SLC9A9: variants seen among roughly 807,000 people sequenced by gnomAD.
SLC9A9 encodes the protein solute carrier family 9 member A9, also known as sodium/hydrogen exchanger 9.
SLC9A9 carries 62 observed loss-of-function variants against 77.8 expected under a neutral mutation model. The observed-to-expected ratio is 0.80, with a 90% confidence interval of 0.65 to 0.98. The LOEUF is 0.98. Ranked by LOEUF, SLC9A9 falls within the 50% of genes least tolerant of loss-of-function variation. SLC9A9 has a pLI of 0.00. For missense variants in SLC9A9, 775 were observed against 774.9 expected (o/e 1.00, Z 0.00); for synonymous variants, 320 against 283.5 (o/e 1.13, Z -1.29).
chr3:143,393,662 G>A lies in SLC9A9; in HGVS notation c.1470-11548C>T, dbSNP rs1454439803. Among the ~76,000 whole-genome samples the A allele has an allele frequency of 2.0e-5, 3 of 152,104 alleles. No homozygotes were observed. In the East Asian group the frequency reaches 5.8e-4, roughly 29 times the overall value. Reference sequence around the variant, plus strand: ...CTTCAAAAAATCAATGAATACAGGAGCTGGTTTTTTGAAAAGATCAACAAA... The same window carrying A: ...CTTCAAAAAATCAATGAATACAGGAACTGGTTTTTTGAAAAGATCAACAAA... On this transcript the variant is annotated intron_variant, in intron 12 of 15. Transcript: ENST00000316549.
intron 9 of SLC9A9, among the ~76,000 whole-genome samples, chr3:143,535,868 A>G (rs968861690): frequency 6.6e-6 from 1 of 152,192 alleles, no homozygotes; most frequent in Admixed American, 6.5e-5. Flanking sequence ...TTTCTAAGAA[A>G]TAGACAAGAT....
chr3:143,716,797 G>GAA (rs988937807), intron 4 of SLC9A9, among the ~76,000 whole-genome samples: 2 of 152,148 alleles, frequency 1.3e-5, no homozygotes, highest in African/African-American at 4.8e-5. Flanking sequence ...CAGAGGGAAA[G>GAA]AAAAAAGAGA....
chr3:143,454,215 T>C (rs2035051879), intron 12 of SLC9A9, among the ~76,000 whole-genome samples: 1 of 152,216 alleles, frequency 6.6e-6, no homozygotes, highest in African/African-American at 2.4e-5. Context: ...TTTTACCTTA[T>C]AATACACTGC....
chr3:143,661,221 C>A (rs922395685), intron 5 of SLC9A9, among the ~76,000 whole-genome samples: 2 of 152,140 alleles, frequency 1.3e-5, no homozygotes, highest in Non-Finnish European at 2.9e-5. Context: ...CAAACAATGG[C>A]CATTTTAATT....
chr3:143,389,776 C>T (rs921587026), intron 12 of SLC9A9, among the ~76,000 whole-genome samples: 4 of 152,058 alleles, frequency 2.6e-5, no homozygotes, highest in Non-Finnish European at 5.9e-5. Context: ...AGGTCAAGAT[C>T]AATGGACTGG....
chr3:143,366,297 T>C (rs1428232874), intron 13 of SLC9A9, among the ~76,000 whole-genome samples: 3 of 152,330 alleles, frequency 2.0e-5, no homozygotes, highest in South Asian at 2.1e-4. Context: ...TCTCACTCTA[T>C]CAAGGTAGGT....
At chr3:143,396,448 TG>T (rs1559897438) in intron 12 of SLC9A9, among the ~76,000 whole-genome samples, 1 of 151,990 alleles carries the variant, frequency 6.6e-6, no homozygotes. Flanking sequence ...TGTTGTGGGT[TG>T]GGGGGCTGGG....
intron 9 of SLC9A9, among the ~76,000 whole-genome samples, chr3:143,514,864 T>C (rs1213494705): frequency 2.0e-5 from 3 of 152,198 alleles, no homozygotes; most frequent in African/African-American, 4.8e-5. Flanking sequence ...TTTTTTGTTA[T>C]CATTTGTGTG....
chr3:143,390,838 G>A (rs1406468876), intron 12 of SLC9A9, among the ~76,000 whole-genome samples: 1 of 152,218 alleles, frequency 6.6e-6, no homozygotes, highest in African/African-American at 2.4e-5. Flanking sequence ...CACACCCACA[G>A]AGCCTCACTC....
intron 14 of SLC9A9, among the ~76,000 whole-genome samples, chr3:143,327,852 G>A (rs1307950042): frequency 2.0e-5 from 3 of 152,204 alleles, no homozygotes; most frequent in Admixed American, 6.5e-5. Context: ...TTTTTATGAA[G>A]AGCAGTGCAA....
chr3:143,651,947 T>C (rs2038803789), intron 6 of SLC9A9, among the ~76,000 whole-genome samples: 1 of 150,308 alleles, frequency 6.7e-6, no homozygotes, highest in Admixed American at 6.7e-5. Context: ...TAAATGATAT[T>C]GATTTGAAAT....
At chr3:143,538,747 A>T (rs140538097) in intron 9 of SLC9A9, among the ~76,000 whole-genome samples, 35 of 152,340 alleles carry the variant, frequency 2.3e-4, no homozygotes, top group Non-Finnish European at 3.7e-4. Flanking sequence ...ATCTTCAGAA[A>T]GAGAAAGCAA....
chr3:143,267,053 C>A (rs1937746798), intron 15 of SLC9A9, 124 bp from the exon 16 acceptor site: 6 of 866,788 alleles, frequency 6.9e-6, no homozygotes, highest in South Asian at 5.9e-5. Flanking sequence ...CCCTGTCTGG[C>A]CTTGGCTGAT....
intron 9 of SLC9A9, among the ~76,000 whole-genome samples, chr3:143,543,379 C>CTTTTTTTTTTTTTT (rs34447555): frequency 6.8e-6 from 1 of 146,974 alleles, no homozygotes. Context: ...ACTTGTCAAG[C>CTTTTTTTTTTTTTT]TTTTTTTTTT....
intron 14 of SLC9A9, among the ~76,000 whole-genome samples, chr3:143,334,973 A>T (rs1487739921): frequency 6.6e-6 from 1 of 152,142 alleles, no homozygotes; most frequent in Non-Finnish European, 1.5e-5. Context: ...GAAAAAAAAA[A>T]ATAGCACCCA....
chr3:143,632,609 C>T (rs1464307333), intron 6 of SLC9A9, among the ~76,000 whole-genome samples: 1 of 152,004 alleles, frequency 6.6e-6, no homozygotes, highest in Admixed American at 6.6e-5. Context: ...AATTTATTTT[C>T]CTGAGACAAG....
chr3:143,388,698 C>T (rs557538736), intron 12 of SLC9A9, among the ~76,000 whole-genome samples: 35 of 152,228 alleles, frequency 2.3e-4, no homozygotes, highest in African/African-American at 7.5e-4. Context: ...AAGACAAGAG[C>T]GGCTTTTCCA....
At chr3:143,602,235 T>C (rs1347612770) in intron 6 of SLC9A9, among the ~76,000 whole-genome samples, 1 of 152,218 alleles carries the variant, frequency 6.6e-6, no homozygotes, top group Non-Finnish European at 1.5e-5. Context: ...CCAGGGCTTG[T>C]TCACTATGGG....
intron 4 of SLC9A9, among the ~76,000 whole-genome samples, chr3:143,779,108 ATTGAAATAATCTATG>A (rs1438725479): frequency 6.6e-6 from 1 of 152,166 alleles, no homozygotes; most frequent in Non-Finnish European, 1.5e-5. Flanking sequence ...TTAATGGGCA[ATTGAAATAATCTATG>A]TTTAAAAATT....
Sources: gnomAD v4.1 joint callset for allele counts (sites outside exome capture counted in the v4.1 genomes callset) on GRCh38, gnomAD v4.1.1 for gene constraint, MANE v1.5 for transcripts, NCBI Gene and HGNC (gene_info 2026-07-23, HGNC 2026-07-21) for gene names.